TMEM200B: variants seen among roughly 807,000 people sequenced by gnomAD.
The protein encoded by TMEM200B is transmembrane protein TTMA.
TMEM200B carries 12 observed loss-of-function variants against 17.6 expected under a neutral mutation model. The observed-to-expected ratio is 0.68, with a 90% confidence interval of 0.44 to 1.11. The LOEUF is 1.11. TMEM200B is among the 50% of genes least tolerant of loss of function. TMEM200B has a pLI of 0.00. For missense variants in TMEM200B, 456 were observed against 447.6 expected, an observed-to-expected ratio of 1.02 and a Z score of -0.17; for synonymous variants, 234 against 209.2, an observed-to-expected ratio of 1.12 and a Z score of -1.02.
Position 29,120,666 on chromosome 1 carries a change from G to A in TMEM200B, c.*239C>T. The A allele has an allele frequency of 1.9e-6, 1 of 532,332 alleles. No homozygotes were observed. The highest frequency in any genetic ancestry group is 3.6e-5 in the South Asian group (1 of 28,092). The allele number at this position is 532,332 out of a possible 1,614,324, so 33.0% of individuals were successfully genotyped here. ...TTACAGAGGCTGAAGAAATTCCTGA[G>A]GCGAGTCCTCCACACCCCACAGTGA... On this transcript the variant is annotated 3_prime_UTR_variant, in exon 2 of 2. Transcript: ENST00000521452.
chr1:29,123,631 G>C (rs1033364635), intron 1 of TMEM200B, among the ~76,000 whole-genome samples: 8 of 152,092 alleles, frequency 5.3e-5, no homozygotes, highest in Non-Finnish European at 1.2e-4. Flanking sequence ...CAGGGAGGCG[G>C]AAACTTGGGG....
chr1:29,121,349 G>A lies in TMEM200B; in HGVS notation c.480C>T (p.Pro160=), dbSNP rs763854287. ...GVLRAQALRP[P]DGPGWDCALL... The stretch of plus-strand genomic sequence containing the variant: ...GGGCGCAGTCCCAGCCCGGGCCGTC[G>A]GGGGGCCGGAGCGCCTGGGCCCGCA... The change falls in exon 2 of 2, where the codon CCC becomes CCT. Residue 160 remains proline (P), a synonymous_variant. Transcript: ENST00000521452. This position sits in a 1 kb window ranked among gnomAD's most constrained non-coding sequence, Gnocchi z 5.6. The A allele has an allele frequency of 3.2e-6, 5 of 1,563,740 alleles. No individual in the cohort carries two copies. In the East Asian group the frequency reaches 7.1e-5, roughly 22 times the overall value.
Position 29,123,876 on chromosome 1 carries a change from G to A in TMEM200B, c.-41C>T, listed in dbSNP as rs1161498774. On this transcript the variant is annotated 5_prime_UTR_variant, in exon 1 of 2. Coordinates refer to ENST00000521452, the MANE Select transcript of TMEM200B (RefSeq NM_001003682.4). ...CTCACCTGGCGCCGCAGCGCCGCGC[G>A]GGTCCGGGTCCCAGTCCGCGCGCGG... The A allele has an allele frequency of 6.6e-6, 1 of 151,978 alleles. No individual in the cohort carries two copies. The highest frequency in any genetic ancestry group is 1.5e-5 in the Non-Finnish European group (1 of 67,890). 9.4% of individuals were successfully genotyped at this position (151,978 alleles called of 1,614,324 possible).
chr1:29,120,890 C>T lies in TMEM200B; in HGVS notation c.*15G>A, dbSNP rs755183185. On this transcript the variant is annotated 3_prime_UTR_variant, in exon 2 of 2. Transcript: ENST00000521452. ...GTCCATGCTGCAGCCTCAGAGCAGG[C>T]TGTCTCCCCTCTCTTCAGACCCGGG... 3.8e-6 allele frequency: 6 copies of T among 1,574,892 alleles called. No individual in the cohort carries two copies. The East Asian group carries it at 1.1e-4, about 30-fold the overall frequency.
intron 1 of TMEM200B, among the ~76,000 whole-genome samples, chr1:29,122,694 C>T (rs1034334571): frequency 6.6e-6 from 1 of 152,198 alleles, no homozygotes; most frequent in South Asian, 2.1e-4. Context: ...AAGGCTGTTC[C>T]CAGGTTGCGA....
rs1671732711 is a variant in TMEM200B, at chr1:29,120,886, C to A, written c.*19G>T. ...CATGGTCCATGCTGCAGCCTCAGAG[C>A]AGGCTGTCTCCCCTCTCTTCAGACC... is the stretch of plus-strand genomic sequence containing the variant. On this transcript the variant is annotated 3_prime_UTR_variant, in exon 2 of 2. Transcript: ENST00000521452. 3 of 1,567,806 alleles carry A rather than the reference C, an allele frequency of 1.9e-6. No homozygotes were observed. The highest frequency in any genetic ancestry group is 1.2e-5 in the South Asian group (1 of 84,762).
chr1:29,122,984 G>T (rs1486155312), intron 1 of TMEM200B, among the ~76,000 whole-genome samples: 2 of 152,206 alleles, frequency 1.3e-5, no homozygotes, highest in South Asian at 4.1e-4. Context: ...CGCGGCCCCC[G>T]CCCAGGCGCC....
In TMEM200B at chr1:29,119,854, TG is replaced by T. The variant is rs1671616462; in HGVS notation, c.*1050del. Reference sequence around the variant, plus strand: ...AAAATTATGAATCATATCAAGTAGTTGTTTACATTTCTTGAAAAAATAGGAA... The same window carrying T: ...AAAATTATGAATCATATCAAGTAGTTTTTACATTTCTTGAAAAAATAGGAA... On this transcript the variant is annotated 3_prime_UTR_variant, in exon 2 of 2. Coordinates refer to ENST00000521452, the MANE Select transcript of TMEM200B (RefSeq NM_001003682.4). The T allele has an allele frequency of 6.6e-6, 1 of 152,556 alleles. No individual in the cohort carries two copies. The highest frequency in any genetic ancestry group is 1.5e-5 in the Non-Finnish European group (1 of 68,044). The allele number at this position is 152,556 out of a possible 1,614,324, so 9.5% of individuals were successfully genotyped here.
chr1:29,122,173 G>A (rs1182936684), intron 1 of TMEM200B, among the ~76,000 whole-genome samples: 2 of 152,166 alleles, frequency 1.3e-5, no homozygotes. Flanking sequence ...CGGTCCGCAA[G>A]CCCGCGGGTC....
Position 29,120,026 on chromosome 1 carries a change from A to G in TMEM200B, c.*879T>C, listed in dbSNP as rs1671654741. ...TCTTGTATTGCATTTTTTTCAATAA[A>G]CAACAACAAAAAGAACTCTCTCTGT... is the stretch of plus-strand genomic sequence containing the variant. On this transcript the variant is annotated 3_prime_UTR_variant, in exon 2 of 2. Transcript: ENST00000521452. The G allele has an allele frequency of 1.3e-5, 2 of 151,512 alleles. No individual in the cohort carries two copies. Among genetic ancestry groups the G allele is most frequent in the African/African-American group, 4.8e-5 (2 of 41,340 alleles). The allele number at this position is 151,512 out of a possible 1,614,324, so 9.4% of individuals were successfully genotyped here.
chr1:29,120,540 T>C lies in TMEM200B; in HGVS notation c.*365A>G, dbSNP rs1327850758. On this transcript the variant is annotated 3_prime_UTR_variant, in exon 2 of 2. Transcript: ENST00000521452. ...AACATCCCAACCTACCTCCCAGTCT[T>C]AGGGGCCCTTGCCCACCACTTTCTT... 8.2e-6 allele frequency: 2 copies of C among 244,678 alleles called. No individual in the cohort carries two copies. Among genetic ancestry groups the C allele is most frequent in the Non-Finnish European group, 7.9e-6 (1 of 125,854 alleles). The allele number at this position is 244,678 out of a possible 1,614,324, so 15.2% of individuals were successfully genotyped here.
Position 29,121,982 on chromosome 1 carries a change from C to A in TMEM200B, c.-20-134G>T. The A allele has an allele frequency of 1.5e-6, 1 of 689,560 alleles. No individual in the cohort carries two copies. The highest frequency in any genetic ancestry group is 7.1e-5 in the South Asian group (1 of 14,002). 42.7% of individuals were successfully genotyped at this position (689,560 alleles called of 1,614,324 possible). On this transcript the variant is annotated intron_variant, in intron 1 of 1. Coordinates refer to ENST00000521452, the MANE Select transcript of TMEM200B (RefSeq NM_001003682.4). This position sits in a 1 kb window ranked among gnomAD's most constrained non-coding sequence, Gnocchi z 5.6. ...CCGCTTGGAGATCCCTGGCGGCCAC[C>A]CCCGGATTTTCCCGGGCGGCGAGGC...
rs1671554488 is a variant in TMEM200B at position 29,119,596 on chromosome 1, C to CA, written c.*1308_*1309insT. ...CCCGTGACCCATCCCCGTCCCCACC[C>CA]CCCCCTCCACCGCTGGGCCCATCAG... is the stretch of plus-strand genomic sequence containing the variant. On this transcript the variant is annotated 3_prime_UTR_variant, in exon 2 of 2. Coordinates refer to ENST00000521452, the MANE Select transcript of TMEM200B (RefSeq NM_001003682.4). The CA allele has an allele frequency of 6.6e-6, 1 of 152,192 alleles. No homozygotes were observed. The highest frequency in any genetic ancestry group is 1.5e-5 in the Non-Finnish European group (1 of 68,062). The allele number at this position is 152,192 out of a possible 1,614,324, so 9.4% of individuals were successfully genotyped here.
In TMEM200B at chr1:29,121,878, G is replaced by A; in HGVS notation, c.-20-30C>T. On this transcript the variant is annotated intron_variant, in intron 1 of 1. Transcript: ENST00000521452. The surrounding 1 kb of genome is among the most constrained non-coding windows in gnomAD (Gnocchi z 5.6). The stretch of plus-strand genomic sequence containing the variant: ...GGAGAGAAGATGGGAGGCAAGGACT[G>A]GACCGACGGGCCTCTAGCTTCAGGG... 2.4e-6 allele frequency: 3 copies of A among 1,232,632 alleles called. No homozygotes were observed. Among genetic ancestry groups the A allele is most frequent in the Non-Finnish European group, 3.1e-6 (3 of 980,816 alleles). The allele number at this position is 1,232,632 out of a possible 1,614,324, so 76.4% of individuals were successfully genotyped here.
At position 29,121,715 on chromosome 1, in the gene TMEM200B, C is replaced by T; in HGVS notation, c.114G>A (p.Glu38=). 1.1e-5 allele frequency: 13 copies of T among 1,224,338 alleles called. No homozygotes were observed. Among genetic ancestry groups the T allele is most frequent in the Non-Finnish European group, 1.3e-5 (13 of 985,682 alleles). 75.8% of individuals were successfully genotyped at this position (1,224,338 alleles called of 1,614,324 possible). A position where few individuals can be genotyped will look rare whatever the true frequency, so the allele number is the denominator to read the frequency against. ...GRRRRPRSPP[E]PLRVRARLRL... is the part of the protein sequence containing the mutation. ...GCAGCCGCGCCCGCACCCGCAGAGG[C>T]TCGGGCGGGGAGCGCGGGCGCCGGC... Residue 38 remains glutamate (E), a synonymous_variant, in exon 2 of 2, where the codon GAG becomes GAA. Transcript: ENST00000521452. This position sits in a 1 kb window ranked among gnomAD's most constrained non-coding sequence, Gnocchi z 5.6.
chr1:29,121,934 A>C lies in TMEM200B; in HGVS notation c.-20-86T>G, dbSNP rs1671814605. ...GGTTCGGGGCGCAAATCCGGGAGGG[A>C]AGCTCCGGCCGCCCAGCCCAGGCCG... On this transcript the variant is annotated intron_variant, in intron 1 of 1. Coordinates refer to ENST00000521452, the MANE Select transcript of TMEM200B (RefSeq NM_001003682.4). The surrounding 1 kb of genome is among the most constrained non-coding windows in gnomAD (Gnocchi z 5.6). 9.9e-7 allele frequency: 1 copy of C among 1,006,640 alleles called. No homozygotes were observed. Among genetic ancestry groups the C allele is most frequent in the Non-Finnish European group, 1.2e-6 (1 of 814,552 alleles). The allele number at this position is 1,006,640 out of a possible 1,614,324, so 62.4% of individuals were successfully genotyped here.
At position 29,121,584 on chromosome 1, in the gene TMEM200B, G is replaced by T; in HGVS notation, c.245C>A (p.Pro82Gln). ...AGYWPHRAGA[P>Q]GSRAANASSP... ...GCTGGCATTGGCGGCCCGGGACCCT[G>T]GGGCCCCGGCCCGGTGCGGCCAGTA... The change falls in exon 2 of 2, where the codon CCA (proline) becomes CAA (glutamine). Residue 82 changes from proline to glutamine, a missense_variant. By Grantham distance (76) the Pro-to-Gln change is moderately conservative. Coordinates refer to ENST00000521452, the MANE Select transcript of TMEM200B (RefSeq NM_001003682.4). This position sits in a 1 kb window ranked among gnomAD's most constrained non-coding sequence, Gnocchi z 5.6. 1 of 1,493,112 alleles carries T rather than the reference G, an allele frequency of 6.7e-7. No homozygotes were observed. Among genetic ancestry groups the T allele is most frequent in the South Asian group, 1.3e-5 (1 of 79,422 alleles). 92.5% of individuals were successfully genotyped at this position (1,493,112 alleles called of 1,614,324 possible). A position where few individuals can be genotyped will look rare whatever the true frequency, so the allele number is the denominator to read the frequency against.
chr1:29,121,047 A>C lies in TMEM200B; in HGVS notation c.782T>G (p.Leu261Arg), dbSNP rs1671744122. 6.2e-7 allele frequency: 1 copy of C among 1,613,694 alleles called. No individual in the cohort carries two copies. The highest frequency in any genetic ancestry group is 8.5e-7 in the Non-Finnish European group (1 of 1,180,036). The change falls in exon 2 of 2, where the codon CTG (leucine) becomes CGG (arginine). Residue 261 changes from leucine to arginine, a missense_variant. By Grantham distance (102) the Leu-to-Arg change is moderately radical. Transcript: ENST00000521452. The surrounding 1 kb of genome is among the most constrained non-coding windows in gnomAD (Gnocchi z 5.6). ...SGSCIEHSKS[L>R]DLGLGELLLG... ...GAGGAGCTCCCCAAGGCCCAGATCCAGAGACTTGGAATGTTCAATGCAGGA... is the reference window on the plus strand; with the variant it reads ...GAGGAGCTCCCCAAGGCCCAGATCCCGAGACTTGGAATGTTCAATGCAGGA...
rs1228030653 is a variant in TMEM200B at position 29,121,814 on chromosome 1, G to A, written c.15C>T (p.Ser5=). 7.8e-7 allele frequency: 1 copy of A among 1,285,764 alleles called. No homozygotes were observed. The highest frequency in any genetic ancestry group is 9.8e-7 in the Non-Finnish European group (1 of 1,016,510). The allele number at this position is 1,285,764 out of a possible 1,614,324, so 79.6% of individuals were successfully genotyped here. Residue 5 remains serine, a synonymous_variant, in exon 2 of 2, where the codon AGC becomes AGT. Coordinates refer to ENST00000521452, the MANE Select transcript of TMEM200B (RefSeq NM_001003682.4). This position sits in a 1 kb window ranked among gnomAD's most constrained non-coding sequence, Gnocchi z 5.6. ...TCCGCACCTCCCCGCATTCTTCGGG[G>A]CTCCCGGCCGTCATCTCGCCGTCGT... MTAG[S]PEECGEVRRS...
Sources: allele counts gnomAD v4.1 joint callset (sites outside exome capture counted in the v4.1 genomes callset), GRCh38; gene constraint gnomAD v4.1.1; non-coding constraint Gnocchi (gnomAD v3.1); transcripts MANE v1.5; gene names NCBI Gene and HGNC (gene_info 2026-07-23, HGNC 2026-07-21).